Variants in SCHIP1 observed in about 807,000 individuals in gnomAD.
SCHIP1 encodes schwannomin interacting protein 1.
A neutral mutation model predicts 29.7 loss-of-function variants in SCHIP1; 8 were observed. The ratio of observed to expected loss-of-function variants is 0.27; its 90% confidence interval spans 0.16 to 0.49. The LOEUF (loss-of-function observed/expected upper bound fraction) is 0.49. Among genes scored for constraint, SCHIP1 ranks in the 20% least tolerant of loss-of-function variants. The pLI is 0.99. For synonymous variants in SCHIP1, 76 were observed against 94.9 expected, an observed-to-expected ratio of 0.80 and a Z score of 1.16; for missense variants, 193 against 294.6, an observed-to-expected ratio of 0.66 and a Z score of 2.52.
the SCHIP1 span, among the ~76,000 whole-genome samples, chr3:159,685,344 A>G: frequency 2.0e-5 from 3 of 152,232 alleles, no homozygotes; most frequent in Non-Finnish European, 4.4e-5. Flanking sequence ...ATGTCTTACT[A>G]TTAAAACTCA....
chr3:159,358,422 G>T, the SCHIP1 span, among the ~76,000 whole-genome samples: 3 of 152,228 alleles, frequency 2.0e-5, no homozygotes, highest in Admixed American at 1.3e-4. Context: ...AATGGCAAGA[G>T]ATATTTGTGG....
chr3:159,376,441 C>G, the SCHIP1 span, among the ~76,000 whole-genome samples: 1 of 152,142 alleles, frequency 6.6e-6, no homozygotes. Context: ...TGCCTCCCCC[C>G]AAAAACTTCA....
At chr3:159,723,304 AT>A in the SCHIP1 span, among the ~76,000 whole-genome samples, 1 of 152,218 alleles carries the variant, frequency 6.6e-6, no homozygotes, top group Non-Finnish European at 1.5e-5. Context: ...ACATATTTTT[AT>A]TACTACAGTT....
At chr3:159,627,545 A>G in the SCHIP1 span, among the ~76,000 whole-genome samples, 2,717 of 152,292 alleles carry the variant, frequency 0.018, 44 homozygotes, top group African/African-American at 0.038. Context: ...AAGAGCTAGA[A>G]ATTGGTTAGA....
chr3:159,496,010 T>A, the SCHIP1 span, among the ~76,000 whole-genome samples: 1 of 152,230 alleles, frequency 6.6e-6, no homozygotes, highest in Non-Finnish European at 1.5e-5. Flanking sequence ...GGGAAAGCAT[T>A]CCCTATTTAA....
At chr3:159,357,646 C>T in the SCHIP1 span, among the ~76,000 whole-genome samples, 3 of 152,206 alleles carry the variant, frequency 2.0e-5, no homozygotes, top group Non-Finnish European at 4.4e-5. Context: ...TTTTTAGAGT[C>T]ACCATATTTA....
the SCHIP1 span, among the ~76,000 whole-genome samples, chr3:159,447,719 A>G: frequency 5.8e-4 from 88 of 152,320 alleles, no homozygotes; most frequent in African/African-American, 2.0e-3. Context: ...TGATGGTTAC[A>G]ACAAGTTCAC....
At chr3:159,275,563 CA>C in the SCHIP1 span, among the ~76,000 whole-genome samples, 74 of 152,234 alleles carry the variant, frequency 4.9e-4, 1 homozygote, top group African/African-American at 1.8e-3. Flanking sequence ...GTGATATTGT[CA>C]GAAGTGTAAC....
chr3:159,567,486 G>A, the SCHIP1 span, among the ~76,000 whole-genome samples: 2 of 151,920 alleles, frequency 1.3e-5, no homozygotes, highest in African/African-American at 4.8e-5. Context: ...TGTCTCCCTG[G>A]AATGATGTGA....
At chr3:159,656,780 T>TAC in the SCHIP1 span, among the ~76,000 whole-genome samples, 2 of 152,192 alleles carry the variant, frequency 1.3e-5, no homozygotes, top group African/African-American at 4.8e-5. Context: ...ATATATAAGG[T>TAC]ACTTTCTCCA....
intron 1 of SCHIP1, among the ~76,000 whole-genome samples, chr3:159,862,768 A>G (rs997391443): frequency 6.6e-6 from 1 of 152,234 alleles, no homozygotes; most frequent in Admixed American, 6.5e-5. Context: ...ACTAGTAATC[A>G]AATAAATTGA....
the SCHIP1 span, among the ~76,000 whole-genome samples, chr3:159,345,886 G>A: frequency 6.6e-6 from 1 of 152,074 alleles, no homozygotes; most frequent in Admixed American, 6.6e-5. Flanking sequence ...TTAATAGTAT[G>A]GAATGAATGA....
the SCHIP1 span, among the ~76,000 whole-genome samples, chr3:159,820,883 A>G: frequency 1.3e-5 from 2 of 152,242 alleles, no homozygotes; most frequent in South Asian, 2.1e-4. Context: ...GTAGTGTTAT[A>G]CAATAGAACT....
At chr3:159,551,917 T>C in the SCHIP1 span, among the ~76,000 whole-genome samples, 131 of 152,230 alleles carry the variant, frequency 8.6e-4, 1 homozygote, top group African/African-American at 3.0e-3. Context: ...AAATCAACTG[T>C]TGACTAAATG....
chr3:159,411,503 A>C, the SCHIP1 span, among the ~76,000 whole-genome samples: 1 of 152,164 alleles, frequency 6.6e-6, no homozygotes, highest in African/African-American at 2.4e-5. Flanking sequence ...TTGAGTATCA[A>C]TTGGAAAATA....
At chr3:159,643,760 A>T in the SCHIP1 span, among the ~76,000 whole-genome samples, 1 of 152,066 alleles carries the variant, frequency 6.6e-6, no homozygotes, top group Non-Finnish European at 1.5e-5. Context: ...ATCCACCTCA[A>T]TAATTGATGT....
the SCHIP1 span, among the ~76,000 whole-genome samples, chr3:159,774,492 A>G: frequency 1.3e-5 from 2 of 152,264 alleles, no homozygotes; most frequent in East Asian, 1.9e-4. Flanking sequence ...TCATTTATGC[A>G]TATACTTAAT....
At chr3:159,657,177 G>T in the SCHIP1 span, among the ~76,000 whole-genome samples, 1 of 152,164 alleles carries the variant, frequency 6.6e-6, no homozygotes, top group Non-Finnish European at 1.5e-5. Flanking sequence ...CAGGAGAGAT[G>T]AAATCATCAA....
the SCHIP1 span, among the ~76,000 whole-genome samples, chr3:159,322,063 T>C: frequency 6.6e-6 from 1 of 151,844 alleles, no homozygotes; most frequent in East Asian, 1.9e-4. Flanking sequence ...TTCATATCAC[T>C]TTGTCCAAGC....
Sources: gnomAD v4.1 joint callset for allele counts (sites outside exome capture counted in the v4.1 genomes callset) on GRCh38, gnomAD v4.1.1 for gene constraint, MANE v1.5 for transcripts, NCBI Gene and HGNC (gene_info 2026-07-23, HGNC 2026-07-21) for gene names.